Variants in AKR1C8 observed in about 807,000 individuals in gnomAD.
AKR1C8 encodes aldo-keto reductase family 1 member C-like protein 1.
the AKR1C8 span, among the ~76,000 whole-genome samples, chr10:5,125,122 T>C: frequency 6.0e-3 from 910 of 152,300 alleles, 5 homozygotes; most frequent in African/African-American, 0.021. Context: ...TAATTTTCTC[T>C]GTAGAAGTTG....
chr10:5,161,068 T>C, the AKR1C8 span, among the ~76,000 whole-genome samples: 1 of 152,182 alleles, frequency 6.6e-6, no homozygotes, highest in African/African-American at 2.4e-5. Context: ...TATATGTGTG[T>C]GGGTATGTGT....
At chr10:5,177,486 G>A in the AKR1C8 span, among the ~76,000 whole-genome samples, 1 of 152,024 alleles carries the variant, frequency 6.6e-6, no homozygotes, top group Non-Finnish European at 1.5e-5. Context: ...GGATGATGCT[G>A]GCCTCGTAAA....
the AKR1C8 span, among the ~76,000 whole-genome samples, chr10:5,160,236 G>T: frequency 6.6e-6 from 1 of 152,008 alleles, no homozygotes; most frequent in African/African-American, 2.4e-5. Context: ...AGACATATTT[G>T]TTGTCTCCCA....
At chr10:5,177,226 T>C in the AKR1C8 span, among the ~76,000 whole-genome samples, 1 of 152,034 alleles carries the variant, frequency 6.6e-6, no homozygotes, top group Non-Finnish European at 1.5e-5. Context: ...TCTGCATCTA[T>C]TGAGATAATC....
the AKR1C8 span, chr10:5,185,031 C>T: frequency 2.8e-5 from 15 of 534,718 alleles, no homozygotes; most frequent in South Asian, 2.1e-4. Flanking sequence ...AGCATAAGTG[C>T]CAAATCCCAG....
the AKR1C8 span, among the ~76,000 whole-genome samples, chr10:5,125,492 A>C: frequency 6.6e-6 from 1 of 152,136 alleles, no homozygotes; most frequent in African/African-American, 2.4e-5. Flanking sequence ...AGGCAAGCTC[A>C]AATCTCACAG....
chr10:5,155,866 A>G, the AKR1C8 span: 2 of 367,830 alleles, frequency 5.4e-6, no homozygotes, highest in African/African-American at 4.3e-5. Context: ...TGGGGGAAGC[A>G]TTTTCATCCT....
chr10:5,117,946 T>TA, the AKR1C8 span, among the ~76,000 whole-genome samples: 1 of 152,220 alleles, frequency 6.6e-6, no homozygotes, highest in African/African-American at 2.4e-5. Context: ...AGCATATGGT[T>TA]AGGAGGGTCA....
chr10:5,180,230 A>G, the AKR1C8 span, among the ~76,000 whole-genome samples: 2 of 152,202 alleles, frequency 1.3e-5, no homozygotes, highest in African/African-American at 4.8e-5. Context: ...GGAGTTTGCT[A>G]GAGGTCCACT....
At chr10:5,162,620 G>T in the AKR1C8 span, among the ~76,000 whole-genome samples, 1 of 152,198 alleles carries the variant, frequency 6.6e-6, no homozygotes. Context: ...AGTTAAAGGA[G>T]ATAAGTATTA....
the AKR1C8 span, among the ~76,000 whole-genome samples, chr10:5,153,551 A>T: frequency 6.6e-6 from 1 of 152,332 alleles, no homozygotes; most frequent in African/African-American, 2.4e-5. Flanking sequence ...ATTGGCTCAC[A>T]GTTCTGCAGG....
At chr10:5,170,569 G>A in the AKR1C8 span, among the ~76,000 whole-genome samples, 2 of 152,220 alleles carry the variant, frequency 1.3e-5, no homozygotes, top group Non-Finnish European at 2.9e-5. Context: ...ATGAGTTGGT[G>A]AATTTCTCTT....
the AKR1C8 span, among the ~76,000 whole-genome samples, chr10:5,166,327 C>G: frequency 6.6e-6 from 1 of 152,110 alleles, no homozygotes; most frequent in Admixed American, 6.6e-5. Context: ...CCTGCATTGC[C>G]AAGTCAATCC....
At chr10:5,123,864 G>C in the AKR1C8 span, 1 of 1,554,672 alleles carries the variant, frequency 6.4e-7, no homozygotes, top group Admixed American at 1.8e-5. Flanking sequence ...ATATGAAACA[G>C]TTATGTTAAT....
the AKR1C8 span, among the ~76,000 whole-genome samples, chr10:5,165,720 A>G: frequency 0.13 from 19,457 of 152,168 alleles, 1,504 homozygotes; most frequent in Admixed American, 0.17. Flanking sequence ...TAGAAATTCA[A>G]TGCTTTACCA....
chr10:5,133,816 C>G, the AKR1C8 span, among the ~76,000 whole-genome samples: 1 of 152,124 alleles, frequency 6.6e-6, no homozygotes, highest in South Asian at 2.1e-4. Flanking sequence ...CCTTTCTACA[C>G]AGCCATTAGC....
chr10:5,158,217 G>T, the AKR1C8 span, among the ~76,000 whole-genome samples: 1 of 152,134 alleles, frequency 6.6e-6, no homozygotes, highest in African/African-American at 2.4e-5. Context: ...GCAATGAGAA[G>T]TTATTGTCTC....
chr10:5,169,922 G>A, the AKR1C8 span, among the ~76,000 whole-genome samples: 1 of 151,960 alleles, frequency 6.6e-6, no homozygotes, highest in African/African-American at 2.4e-5. Context: ...CTTATTTGTT[G>A]ACAATGATAT....
chr10:5,169,590 T>G, the AKR1C8 span, among the ~76,000 whole-genome samples: 3 of 119,216 alleles, frequency 2.5e-5, no homozygotes, highest in Non-Finnish European at 5.8e-5. Flanking sequence ...AAGATCCATG[T>G]TTTTTTTTTT....
Sources: gnomAD v4.1 joint callset for allele counts (sites outside exome capture counted in the v4.1 genomes callset) on GRCh38, gnomAD v4.1.1 for gene constraint, MANE v1.5 for transcripts, NCBI Gene and HGNC (gene_info 2026-07-23, HGNC 2026-07-21) for gene names.